The following ZKSCAN1 variants were observed in gnomAD, a reference collection of about 807,000 sequenced individuals.
ZKSCAN1 encodes the protein zinc finger with KRAB and SCAN domains 1.
Under a neutral mutation model 51.6 loss-of-function variants are expected in ZKSCAN1, and 14 were observed. That is an observed-to-expected ratio of 0.27 (90% CI 0.18 to 0.42). The LOEUF (loss-of-function observed/expected upper bound fraction) is 0.42. Ranked by LOEUF, ZKSCAN1 falls within the 10% of genes least tolerant of loss-of-function variation. The probability of loss-of-function intolerance (pLI) is 1.00; values close to 1 mark genes in which losing one functional copy is unlikely to be tolerated. For missense variants in ZKSCAN1, 531 were observed against 710.0 expected, an observed-to-expected ratio of 0.75 and a Z score of 2.86; for synonymous variants, 263 against 261.5, an observed-to-expected ratio of 1.01 and a Z score of -0.06.
At chr7:100,017,582 C>T (rs948763649) in intron 1 of ZKSCAN1, among the ~76,000 whole-genome samples, 3 of 152,172 alleles carry the variant, frequency 2.0e-5, no homozygotes, top group African/African-American at 7.2e-5. Flanking sequence ...TGGAACACAG[C>T]CTTTGAGCTT....
At position 100,024,161 on chromosome 7, in the gene ZKSCAN1, G is replaced by A; in HGVS notation, c.434G>A (p.Gly145Asp). Residue 145 changes from glycine to aspartate, a missense_variant, in exon 3 of 6, where the codon GGT becomes GAT. Coordinates refer to ENST00000324306, the MANE Select transcript of ZKSCAN1 (RefSeq NM_003439.4). ...ELDLSGQQVPGQVHGPEMLAR... is the reference protein window; with the variant it reads ...ELDLSGQQVPDQVHGPEMLAR... ...CAACCTGTCTGTCTTCAGGTCCCAG[G>A]TCAAGTTCATGGACCTGAGATGCTC... 6.2e-7 allele frequency: 1 copy of A among 1,611,444 alleles called. No individual in the cohort carries two copies. Among genetic ancestry groups the A allele is most frequent in the Non-Finnish European group, 8.5e-7 (1 of 1,179,012 alleles).
chr7:100,035,791 T>C lies in ZKSCAN1; in HGVS notation c.*1594T>C. ...GAAACTTTCATTGGTCCCATCGTTGTGCGCAGGGTGCAACTGGCTACCTAG... is the reference window on the plus strand; with the variant it reads ...GAAACTTTCATTGGTCCCATCGTTGCGCGCAGGGTGCAACTGGCTACCTAG... On this transcript the variant is annotated 3_prime_UTR_variant, in exon 6 of 6. Coordinates refer to ENST00000324306, the MANE Select transcript of ZKSCAN1 (RefSeq NM_003439.4). The C allele has an allele frequency of 2.1e-6, 2 of 965,600 alleles. No homozygotes were observed. Among genetic ancestry groups the C allele is most frequent in the South Asian group, 9.6e-5 (2 of 20,888 alleles). The allele number at this position is 965,600 out of a possible 1,614,324, so 59.8% of individuals were successfully genotyped here.
intron 5 of ZKSCAN1, among the ~76,000 whole-genome samples, chr7:100,031,956 A>AT (rs757723295): frequency 1.3e-5 from 2 of 152,134 alleles, no homozygotes; most frequent in African/African-American, 2.4e-5. Flanking sequence ...GTGCAGGCCT[A>AT]TAGTCCCAGC....
At chr7:100,023,248 C>T (rs937702455) in intron 1 of ZKSCAN1, among the ~76,000 whole-genome samples, 171 bp from the exon 2 acceptor site, 9 of 152,000 alleles carry the variant, frequency 5.9e-5, no homozygotes. Flanking sequence ...TGACCGCAGG[C>T]GATTGGCCTG....
At chr7:100,022,112 T>G (rs1352929189) in intron 1 of ZKSCAN1, among the ~76,000 whole-genome samples, 6 of 152,228 alleles carry the variant, frequency 3.9e-5, no homozygotes, top group Non-Finnish European at 8.8e-5. Context: ...TGGAGTGCAG[T>G]GGCGCGATCT....
In ZKSCAN1 at chr7:100,030,300, G is replaced by A. The variant is rs748102339; in HGVS notation, c.724G>A (p.Gly242Arg). ...TGTGTCCCTCATTCTGGAGGAATGGGGATGTCAGAATCTGGCTCGGAGGAA... is the reference window on the plus strand; with the variant it reads ...TGTGTCCCTCATTCTGGAGGAATGGAGATGTCAGAATCTGGCTCGGAGGAA... Reference protein sequence around the residue: ...MAVSLILEEWGCQNLARRNLS... With the variant: ...MAVSLILEEWRCQNLARRNLS... Residue 242 changes from glycine to arginine, a missense_variant, in exon 5 of 6, where the codon GGA (glycine) becomes AGA (arginine). Physicochemically the swap from Gly to Arg is moderately radical, Grantham distance 125. Transcript: ENST00000324306. 20 of 1,614,014 alleles carry A rather than the reference G, an allele frequency of 1.2e-5. No individual in the cohort carries two copies. The African/African-American group carries it at 2.1e-4, about 17-fold the overall frequency.
chr7:100,016,587 G>A (rs1790375954), intron 1 of ZKSCAN1, among the ~76,000 whole-genome samples: 1 of 152,116 alleles, frequency 6.6e-6, no homozygotes, highest in Non-Finnish European at 1.5e-5. Flanking sequence ...AGGCCCTTCC[G>A]ACTTCGAAAT....
chr7:100,043,829 C>A (rs556244535), downstream of ZKSCAN1, among the ~76,000 whole-genome samples: 1 of 116,008 alleles, frequency 8.6e-6, no homozygotes, highest in African/African-American at 3.3e-5. Context: ...GTTGCCCAAG[C>A]TGGAGGGCAT....
chr7:100,031,976 G>A (rs1373965245), intron 5 of ZKSCAN1, among the ~76,000 whole-genome samples: 1 of 152,214 alleles, frequency 6.6e-6, no homozygotes, highest in African/African-American at 2.4e-5. Flanking sequence ...CTACTTGGGA[G>A]GCTGAGGCAG....
intron 3 of ZKSCAN1, among the ~76,000 whole-genome samples, chr7:100,027,112 C>G (rs949827026): frequency 6.6e-6 from 1 of 152,054 alleles, no homozygotes; most frequent in Non-Finnish European, 1.5e-5. Context: ...GCCTGGCCAA[C>G]ATGGCGAAAC....
Position 100,033,978 on chromosome 7 carries a change from T to C in ZKSCAN1, c.1473T>C (p.Cys491=). Residue 491 remains cysteine (C), a synonymous_variant, in exon 6 of 6, where the codon TGT becomes TGC. Transcript: ENST00000324306. The surrounding 1 kb of genome is among the most constrained non-coding windows in gnomAD (Gnocchi z 4.1). ...RIHTGEKPYE[C]SECGKAFNRN... is the part of the protein sequence containing the mutation. ...ACACGGGGGAGAAACCCTATGAATGTAGTGAATGTGGAAAAGCTTTCAACC... is the reference window on the plus strand; with the variant it reads ...ACACGGGGGAGAAACCCTATGAATGCAGTGAATGTGGAAAAGCTTTCAACC... 6.2e-7 allele frequency: 1 copy of C among 1,614,134 alleles called. No individual in the cohort carries two copies. Among genetic ancestry groups the C allele is most frequent in the Non-Finnish European group, 8.5e-7 (1 of 1,180,010 alleles).
downstream of ZKSCAN1, among the ~76,000 whole-genome samples, chr7:100,042,101 C>T (rs1011498669): frequency 2.0e-5 from 3 of 152,094 alleles, no homozygotes; most frequent in African/African-American, 7.2e-5. Context: ...GGCAGATCAC[C>T]TGAGGCCAGG....
chr7:100,024,107 C>G (rs761448127), intron 2 of ZKSCAN1, 47 bp from the exon 3 acceptor site: 2 of 1,567,992 alleles, frequency 1.3e-6, no homozygotes, highest in Non-Finnish European at 1.7e-6. Flanking sequence ...ATTTTAATTC[C>G]CATTTACAAA....
In ZKSCAN1 at chr7:100,035,808, G is replaced by A. The variant is rs183625216; in HGVS notation, c.*1611G>A. On this transcript the variant is annotated 3_prime_UTR_variant, in exon 6 of 6. Coordinates refer to ENST00000324306, the MANE Select transcript of ZKSCAN1 (RefSeq NM_003439.4). ...CATCGTTGTGCGCAGGGTGCAACTG[G>A]CTACCTAGAAGCTGATGGCAGGAGA... 1.4e-5 allele frequency: 14 copies of A among 984,126 alleles called. No individual in the cohort carries two copies. The East Asian group carries it at 1.4e-3, about 96-fold the overall frequency. 61.0% of individuals were successfully genotyped at this position (984,126 alleles called of 1,614,324 possible). A position where few individuals can be genotyped will look rare whatever the true frequency, so the allele number is the denominator to read the frequency against.
Position 100,040,624 on chromosome 7 carries a change from C to T in ZKSCAN1, c.*6427C>T, listed in dbSNP as rs1791553431. On this transcript the variant is annotated 3_prime_UTR_variant, in exon 6 of 6. Transcript: ENST00000324306. ...CCTAAATCTCCATCATTAAGTCTTC[C>T]AGCAAGGTTAAGTGCAGTATGGAAG... 1 of 985,316 alleles carries T rather than the reference C, an allele frequency of 1.0e-6. No individual in the cohort carries two copies. The highest frequency in any genetic ancestry group is 1.7e-5 in the African/African-American group (1 of 57,222). 61.0% of individuals were successfully genotyped at this position (985,316 alleles called of 1,614,324 possible).
At position 100,039,009 on chromosome 7, in the gene ZKSCAN1, G is replaced by A. The variant is rs1365772730; in HGVS notation, c.*4812G>A. 1.4e-5 allele frequency: 2 copies of A among 147,222 alleles called. No individual in the cohort carries two copies. The highest frequency in any genetic ancestry group is 2.6e-5 in the African/African-American group (1 of 38,640). The allele number at this position is 147,222 out of a possible 1,614,324, so 9.1% of individuals were successfully genotyped here. ...GACTCCATGTCAAAAAAAAAAAAAA[G>A]GTTGGGGGGAGGATAGGACTGGCCA... On this transcript the variant is annotated 3_prime_UTR_variant, in exon 6 of 6. Coordinates refer to ENST00000324306, the MANE Select transcript of ZKSCAN1 (RefSeq NM_003439.4).
chr7:100,034,288 T>C lies in ZKSCAN1; in HGVS notation c.*91T>C. 2 of 1,488,540 alleles carry C rather than the reference T, an allele frequency of 1.3e-6. No homozygotes were observed. Among genetic ancestry groups the C allele is most frequent in the South Asian group, 1.4e-5 (1 of 70,510 alleles). 92.2% of individuals were successfully genotyped at this position (1,488,540 alleles called of 1,614,324 possible). ...CCTGGAGGGAAAAAGAAATACAGCC[T>C]CAACAGATTAAAAAACAAAAGTCAC... is the stretch of plus-strand genomic sequence containing the variant. On this transcript the variant is annotated 3_prime_UTR_variant, in exon 6 of 6. Transcript: ENST00000324306.
intron 1 of ZKSCAN1, among the ~76,000 whole-genome samples, chr7:100,017,637 A>G (rs1180637613): frequency 6.6e-6 from 1 of 152,202 alleles, no homozygotes; most frequent in African/African-American, 2.4e-5. Flanking sequence ...TGTTTATCCT[A>G]GGTGAGAACT....
chr7:100,041,260 T>A lies in ZKSCAN1; in HGVS notation c.*7063T>A. On this transcript the variant is annotated 3_prime_UTR_variant, in exon 6 of 6. Transcript: ENST00000324306. ...AGAATGAAGTTACTGTTGTTAAAACTGGATTTTTTCATTTTACTAGGTTCC... is the reference window on the plus strand; with the variant it reads ...AGAATGAAGTTACTGTTGTTAAAACAGGATTTTTTCATTTTACTAGGTTCC... 1.1e-6 allele frequency: 1 copy of A among 951,026 alleles called. No homozygotes were observed. Among genetic ancestry groups the A allele is most frequent in the African/African-American group, 1.8e-5 (1 of 56,556 alleles). The allele number at this position is 951,026 out of a possible 1,614,324, so 58.9% of individuals were successfully genotyped here.
Sources: allele counts gnomAD v4.1 joint callset (sites outside exome capture counted in the v4.1 genomes callset), GRCh38; gene constraint gnomAD v4.1.1; non-coding constraint Gnocchi (gnomAD v3.1); transcripts MANE v1.5; gene names NCBI Gene and HGNC (gene_info 2026-07-23, HGNC 2026-07-21).